Variants in FSIP2 observed in about 807,000 individuals in gnomAD.
The protein encoded by FSIP2 is fibrous sheath-interacting protein 2.
FSIP2 carries 367 observed loss-of-function variants against 510.5 expected under a neutral mutation model. That is an observed-to-expected ratio of 0.72 (90% CI 0.66 to 0.78). The LOEUF (loss-of-function observed/expected upper bound fraction) is 0.78, where lower values mean the gene tolerates loss of function less well. Ranked by LOEUF, FSIP2 falls within the 30% of genes least tolerant of loss-of-function variation. The pLI is 0.00. For missense variants in FSIP2, 7,594 were observed against 7,901.7 expected, an observed-to-expected ratio of 0.96 and a Z score of 1.48; for synonymous variants, 2,601 against 2,732.2, an observed-to-expected ratio of 0.95 and a Z score of 1.50.
intron 13 of FSIP2, among the ~76,000 whole-genome samples, chr2:185,778,674 A>G (rs1321860992): frequency 6.6e-6 from 1 of 151,992 alleles, no homozygotes; most frequent in African/African-American, 2.4e-5. Context: ...CATGATTACT[A>G]TTTAATAGTT....
Position 185,796,795 on chromosome 2 carries a change from A to G in FSIP2, c.9659A>G (p.Asn3220Ser). 1.3e-6 allele frequency: 2 copies of G among 1,535,040 alleles called. No individual in the cohort carries two copies. Among genetic ancestry groups the G allele is most frequent in the Non-Finnish European group, 1.7e-6 (2 of 1,146,266 alleles). The change falls in exon 16 of 23, where the codon AAC (asparagine) becomes AGC (serine). Residue 3220 changes from asparagine (N) to serine (S), a missense_variant. Coordinates refer to ENST00000424728, the MANE Select transcript of FSIP2 (RefSeq NM_173651.4). ...VRSSVEDTVK[N>S]SEPTKRPDSE... ...TCCTCTGTAGAAGACACAGTTAAAA[A>G]CTCAGAGCCAACGAAAAGGCCTGAT...
chr2:185,821,974 T>C (rs547665961), intron 19 of FSIP2, among the ~76,000 whole-genome samples: 37 of 150,618 alleles, frequency 2.5e-4, no homozygotes, highest in African/African-American at 8.5e-4. Context: ...AACAGAATGA[T>C]CTGTCTCAAA....
At chr2:185,770,136 G>T (rs1184401858) in intron 13 of FSIP2, among the ~76,000 whole-genome samples, 1 of 152,096 alleles carries the variant, frequency 6.6e-6, no homozygotes, top group Non-Finnish European at 1.5e-5. Flanking sequence ...GATAGGAATG[G>T]CATTGAATCT....
upstream of FSIP2, chr2:185,738,748 C>T: frequency 6.5e-7 from 1 of 1,536,002 alleles, no homozygotes; most frequent in Non-Finnish European, 8.7e-7. Flanking sequence ...TCTGGGGCCG[C>T]TACCATTGGA....
At chr2:185,779,611 T>G (rs1404818106) in intron 13 of FSIP2, among the ~76,000 whole-genome samples, 4 of 152,134 alleles carry the variant, frequency 2.6e-5, no homozygotes, top group Non-Finnish European at 5.9e-5. Context: ...ATATCATACT[T>G]ATTATTGTCC....
rs755823000 is a variant in FSIP2 at position 185,807,209 on chromosome 2, A to G, written c.17903A>G (p.Asp5968Gly). 6.2e-7 allele frequency: 1 copy of G among 1,603,956 alleles called. No homozygotes were observed. The highest frequency in any genetic ancestry group is 1.1e-5 in the South Asian group (1 of 88,568). Residue 5968 changes from aspartate to glycine, a missense_variant, in exon 17 of 23, where the codon GAT (aspartate) becomes GGT (glycine). Coordinates refer to ENST00000424728, the MANE Select transcript of FSIP2 (RefSeq NM_173651.4). ...FQRQVNLIFC[D>G]EVSVSACLPL... is the part of the protein sequence containing the mutation. ...CGTCAGGTTAACTTGATATTTTGTG[A>G]TGAGGTTTCAGTTTCAGCATGTTTG...
rs373981814 is a variant in FSIP2 at position 185,808,246 on chromosome 2, G to A, written c.18940G>A (p.Glu6314Lys). ...EEVSNSELVL[E>K]AVKIMEKVIK... is the part of the protein sequence containing the mutation. The stretch of plus-strand genomic sequence containing the variant: ...AGTATCAAATTCAGAATTAGTTCTG[G>A]AAGCTGTCAAAATTATGGAAAAAGT... Residue 6314 changes from glutamate (E) to lysine (K), a missense_variant, in exon 17 of 23, where the codon GAA (glutamate) becomes AAA (lysine). By Grantham distance (56) the Glu-to-Lys change is moderately conservative (BLOSUM62 1). Coordinates refer to ENST00000424728, the MANE Select transcript of FSIP2 (RefSeq NM_173651.4). The A allele has an allele frequency of 1.9e-5, 31 of 1,603,232 alleles. No individual in the cohort carries two copies. The African/African-American group carries it at 3.6e-4, about 19-fold the overall frequency.
intron 13 of FSIP2, among the ~76,000 whole-genome samples, chr2:185,780,385 T>C (rs530534544): frequency 1.3e-5 from 2 of 151,918 alleles, no homozygotes; most frequent in Non-Finnish European, 2.9e-5. Context: ...AAATATGTTC[T>C]CTAGTTCGCT....
In FSIP2 at chr2:185,793,831, T is replaced by C; in HGVS notation, c.6695T>C (p.Val2232Ala). The C allele has an allele frequency of 6.5e-7, 1 of 1,532,902 alleles. No individual in the cohort carries two copies. The highest frequency in any genetic ancestry group is 8.7e-7 in the Non-Finnish European group (1 of 1,145,272). The allele number at this position is 1,532,902 out of a possible 1,614,324, so 95.0% of individuals were successfully genotyped here. A position where few individuals can be genotyped will look rare whatever the true frequency, so the allele number is the denominator to read the frequency against. ...TATGCTGATGATAATCAGATAACTG[T>C]AGTAGAGAAAGAAGACACTCAGAAA... ...SAYADDNQIT[V>A]VEKEDTQKSA... is the part of the protein sequence containing the mutation. The change falls in exon 16 of 23, where the codon GTA (valine) becomes GCA (alanine). Residue 2232 changes from valine to alanine, a missense_variant. Val to Ala is a moderately conservative substitution (Grantham distance 64). Transcript: ENST00000424728.
chr2:185,804,557 CG>C lies in FSIP2; in HGVS notation c.15252del (p.Tyr5085IlefsTer14). ...VSGELESSSY[S>X]YPQADNIIRN... ...GGAGAATTAGAGTCTTCTTCTTATT[CG>C]TATCCCCAAGCTGATAATATCATCA... On this transcript the variant is annotated frameshift_variant, in exon 17 of 23. Coordinates refer to ENST00000424728, the MANE Select transcript of FSIP2 (RefSeq NM_173651.4). LOFTEE classifies it high-confidence loss of function. 1 of 1,527,732 alleles carries C rather than the reference CG, an allele frequency of 6.5e-7. No homozygotes were observed. Among genetic ancestry groups the C allele is most frequent in the Non-Finnish European group, 8.7e-7 (1 of 1,143,116 alleles). The allele number at this position is 1,527,732 out of a possible 1,614,324, so 94.6% of individuals were successfully genotyped here.
At position 185,802,625 on chromosome 2, in the gene FSIP2, T is replaced by C. The variant is rs1401206164; in HGVS notation, c.13319T>C (p.Val4440Ala). The change falls in exon 17 of 23, where the codon GTT becomes GCT. Residue 4440 changes from valine (V) to alanine (A), a missense_variant. Val to Ala is a moderately conservative substitution (Grantham distance 64, BLOSUM62 0). Coordinates refer to ENST00000424728, the MANE Select transcript of FSIP2 (RefSeq NM_173651.4). ...TCTAATTCAGTGGCTGAGAATATTG[T>C]TCAGGACATCCTTAGTAACATCAGT... ...TYSNSVAENI[V>A]QDILSNISKS... 1 of 1,533,684 alleles carries C rather than the reference T, an allele frequency of 6.5e-7. No homozygotes were observed. Among genetic ancestry groups the C allele is most frequent in the Non-Finnish European group, 8.7e-7 (1 of 1,145,386 alleles).
chr2:185,794,349 T>C lies in FSIP2; in HGVS notation c.7213T>C (p.Ser2405Pro), dbSNP rs1225492690. The C allele has an allele frequency of 1.3e-6, 2 of 1,515,778 alleles. No individual in the cohort carries two copies. The highest frequency in any genetic ancestry group is 1.8e-6 in the Non-Finnish European group (2 of 1,138,786). 93.9% of individuals were successfully genotyped at this position (1,515,778 alleles called of 1,614,324 possible). A position where few individuals can be genotyped will look rare whatever the true frequency, so the allele number is the denominator to read the frequency against. The part of the protein sequence containing the change: ...SMLKMLDDKR[S>P]VKEICFNSKE... ...GTTAAAGATGTTAGATGATAAAAGA[T>C]CTGTAAAGGAAATTTGTTTTAATTC... Residue 2405 changes from serine to proline, a missense_variant, in exon 16 of 23, where the codon TCT becomes CCT. By Grantham distance (74) the Ser-to-Pro change is moderately conservative. Coordinates refer to ENST00000424728, the MANE Select transcript of FSIP2 (RefSeq NM_173651.4).
Position 185,793,019 on chromosome 2 carries a change from G to A in FSIP2, c.5883G>A (p.Leu1961=). 2 of 1,534,220 alleles carry A rather than the reference G, an allele frequency of 1.3e-6. No homozygotes were observed. Among genetic ancestry groups the A allele is most frequent in the Non-Finnish European group, 1.7e-6 (2 of 1,145,588 alleles). ...CTATTCAGCAAGATCACAGTACATT[G>A]AGCAAAGCATTATCAGCCAAAGATT... The part of the protein sequence containing the change: ...ALPIQQDHST[L]SKALSAKDSY... The change falls in exon 16 of 23, where the codon TTG becomes TTA. Residue 1961 remains leucine, a synonymous_variant. Transcript: ENST00000424728.
rs1266964136 is a variant in FSIP2, at chr2:185,790,976, T to C, written c.3840T>C (p.His1280=). ...RLKSFICPKL[H]MGFKSSLRSQ... ...AGTCATTTATTTGTCCAAAATTGCA[T>C]ATGGGCTTCAAATCTTCATTACGAT... Residue 1280 remains histidine, a synonymous_variant, in exon 16 of 23, where the codon CAT becomes CAC. Transcript: ENST00000424728. 6 of 1,526,250 alleles carry C rather than the reference T, an allele frequency of 3.9e-6. No homozygotes were observed. Among genetic ancestry groups the C allele is most frequent in the Admixed American group, 2.0e-5 (1 of 49,412 alleles). 94.5% of individuals were successfully genotyped at this position (1,526,250 alleles called of 1,614,324 possible). A position where few individuals can be genotyped will look rare whatever the true frequency, so the allele number is the denominator to read the frequency against.
At chr2:185,759,931 A>G (rs1692317960) in intron 9 of FSIP2, among the ~76,000 whole-genome samples, 1 of 150,120 alleles carries the variant, frequency 6.7e-6, no homozygotes, top group South Asian at 2.1e-4. Context: ...AAAGGTTTAA[A>G]CCTCATATTC....
In FSIP2 at chr2:185,805,880, T is replaced by G. The variant is rs1268811055; in HGVS notation, c.16574T>G (p.Val5525Gly). 4 of 1,608,796 alleles carry G rather than the reference T, an allele frequency of 2.5e-6. No homozygotes were observed. The Admixed American group carries it at 5.1e-5, about 20-fold the overall frequency. ...TNKKEVDENK[V>G]GICTQKHSEN... ...AAAAAGGAAGTGGATGAAAATAAAG[T>G]GGGAATTTGTACTCAAAAACATAGT... Residue 5525 changes from valine to glycine, a missense_variant, in exon 17 of 23, where the codon GTG becomes GGG. Val to Gly is a moderately radical substitution (Grantham distance 109). Coordinates refer to ENST00000424728, the MANE Select transcript of FSIP2 (RefSeq NM_173651.4).
intron 17 of FSIP2, among the ~76,000 whole-genome samples, chr2:185,810,751 A>C (rs1293176288): frequency 2.0e-5 from 3 of 151,892 alleles, no homozygotes; most frequent in Admixed American, 1.3e-4. Context: ...AGGCTAGAAG[A>C]GTTTAGAAGG....
rs1693410278 is a variant in FSIP2, at chr2:185,800,596, C to T, written c.11290C>T (p.Leu3764Phe). 6.5e-7 allele frequency: 1 copy of T among 1,531,524 alleles called. No homozygotes were observed. Among genetic ancestry groups the T allele is most frequent in the East Asian group, 2.5e-5 (1 of 40,810 alleles). 94.9% of individuals were successfully genotyped at this position (1,531,524 alleles called of 1,614,324 possible). ...NVVCEKLIRI[L>F]LEECTSTAFP... ...TGTATGTGAGAAACTTATCAGAATA[C>T]TTTTGGAAGAATGCACAAGCACTGC... is the stretch of plus-strand genomic sequence containing the variant. Residue 3764 changes from leucine to phenylalanine, a missense_variant, in exon 17 of 23, where the codon CTT becomes TTT. Physicochemically the swap from Leu to Phe is conservative, Grantham distance 22. Coordinates refer to ENST00000424728, the MANE Select transcript of FSIP2 (RefSeq NM_173651.4).
chr2:185,777,400 T>G (rs1221019709), intron 13 of FSIP2, among the ~76,000 whole-genome samples: 3 of 150,992 alleles, frequency 2.0e-5, no homozygotes, highest in Non-Finnish European at 4.4e-5. Context: ...GTAGTTTTTT[T>G]TTTTTTTTTT....
Sources: allele counts gnomAD v4.1 joint callset (sites outside exome capture counted in the v4.1 genomes callset), GRCh38; gene constraint gnomAD v4.1.1; transcripts MANE v1.5; gene names NCBI Gene and HGNC (gene_info 2026-07-23, HGNC 2026-07-21).